FHL5: variants seen among roughly 807,000 people sequenced by gnomAD.
FHL5 encodes four and a half LIM domains protein 5.
In FHL5, 33 loss-of-function variants were observed where a neutral mutation model predicts 32.0. That is an observed-to-expected ratio of 1.03 (90% confidence interval 0.78 to 1.38). The LOEUF is 1.38. Ranked by LOEUF, FHL5 falls within the 40% of genes most tolerant of loss-of-function variation. FHL5 has a pLI of 0.00. For missense variants in FHL5, 336 were observed against 343.9 expected (o/e 0.98, Z 0.18); for synonymous variants, 114 against 113.6 (o/e 1.00, Z -0.02).
intron 1 of FHL5, among the ~76,000 whole-genome samples, chr6:96,582,529 T>C (rs1770716126): frequency 6.6e-6 from 1 of 152,304 alleles, no homozygotes; most frequent in South Asian, 2.1e-4. Context: ...GAAAACCATA[T>C]GAAGCACTTT....
intron 1 of FHL5, among the ~76,000 whole-genome samples, chr6:96,594,254 T>C (rs1770986587): frequency 7.3e-6 from 1 of 136,210 alleles, no homozygotes; most frequent in Non-Finnish European, 1.6e-5. Context: ...TATATATATA[T>C]ATATATATAT....
chr6:96,568,896 C>CA (rs964992259), intron 1 of FHL5, among the ~76,000 whole-genome samples: 1 of 151,616 alleles, frequency 6.6e-6, no homozygotes, highest in Non-Finnish European at 1.5e-5. Flanking sequence ...TTTATCTTTT[C>CA]AAAAAAATTC....
intron 4 of FHL5, 124 bp from the exon 5 acceptor site, chr6:96,610,448 T>C (rs1413910842): frequency 5.6e-6 from 4 of 716,694 alleles, no homozygotes; most frequent in Non-Finnish European, 9.7e-6. Flanking sequence ...AGACATGAAA[T>C]GATCTTTTTT....
At chr6:96,571,205 G>A (rs1770469163) in intron 1 of FHL5, among the ~76,000 whole-genome samples, 1 of 152,108 alleles carries the variant, frequency 6.6e-6, no homozygotes, top group Non-Finnish European at 1.5e-5. Flanking sequence ...AAGGTGTAGT[G>A]ACTCTGTTTC....
Position 96,603,781 on chromosome 6 carries a change from C to T in FHL5, c.159+9C>T, listed in dbSNP as rs1186459219. 1 of 1,600,610 alleles carries T rather than the reference C, an allele frequency of 6.2e-7. No individual in the cohort carries two copies. The highest frequency in any genetic ancestry group is 1.7e-5 in the Admixed American group (1 of 58,596). ...TTGAATCTGATTCTAAGGTAAGTCT[C>T]ACCTCAATTTACAGAATTACTGCCT... On this transcript the variant is annotated intron_variant, in intron 2 of 5. Transcript: ENST00000450218.
chr6:96,582,551 G>A (rs541975513), intron 1 of FHL5, among the ~76,000 whole-genome samples: 8 of 150,130 alleles, frequency 5.3e-5, no homozygotes, highest in African/African-American at 9.8e-5. Flanking sequence ...TTTTTTCTTC[G>A]TTAGTGTCCA....
chr6:96,576,462 G>C (rs1055238456), intron 1 of FHL5, among the ~76,000 whole-genome samples: 3 of 152,216 alleles, frequency 2.0e-5, no homozygotes, highest in African/African-American at 7.2e-5. Flanking sequence ...AAGAGTGACG[G>C]AGTGAAGAGA....
intron 1 of FHL5, among the ~76,000 whole-genome samples, chr6:96,579,070 T>C (rs1343185626): frequency 6.6e-6 from 1 of 152,162 alleles, no homozygotes; most frequent in African/African-American, 2.4e-5. Flanking sequence ...AATTCTATGA[T>C]AAAGAACGGG....
At chr6:96,573,855 T>A (rs1368477733) in intron 1 of FHL5, among the ~76,000 whole-genome samples, 2 of 152,102 alleles carry the variant, frequency 1.3e-5, no homozygotes, top group East Asian at 3.9e-4. Context: ...TAATTGTTTT[T>A]TAAATTAAAC....
chr6:96,575,656 G>T lies in FHL5; in HGVS notation c.-13+12301G>T, dbSNP rs2127960777. Among the ~76,000 whole-genome samples, 2 of 152,264 alleles carry T rather than the reference G, an allele frequency of 1.3e-5. 1 individual carries two copies. Among genetic ancestry groups the T allele is most frequent in the Admixed American group, 1.3e-4 (2 of 15,302 alleles). On this transcript the variant is annotated intron_variant, in intron 1 of 5. Transcript: ENST00000450218. ...AGTCACTCCTCAAGTGGCATAGAAT[G>T]AGTGAATACTTTCAAAAGAGAGAAA...
In FHL5 at chr6:96,605,883, C is replaced by A; in HGVS notation, c.335-19C>A. 6.2e-7 allele frequency: 1 copy of A among 1,608,878 alleles called. No homozygotes were observed. Among genetic ancestry groups the A allele is most frequent in the Non-Finnish European group, 8.5e-7 (1 of 1,176,706 alleles). On this transcript the variant is annotated intron_variant, in intron 3 of 5. Transcript: ENST00000450218. ...TTATGCTTGACTTATACTAACATGG[C>A]CTTACTTTTGGAGTACAGGTTCCCG...
chr6:96,572,855 A>G (rs532337329), intron 1 of FHL5, among the ~76,000 whole-genome samples: 1 of 152,232 alleles, frequency 6.6e-6, no homozygotes, highest in East Asian at 1.9e-4. Flanking sequence ...AAGGCCTGGC[A>G]TTTCCTTATT....
chr6:96,591,846 G>T (rs1044649532), intron 1 of FHL5, among the ~76,000 whole-genome samples: 6 of 152,058 alleles, frequency 3.9e-5, no homozygotes, highest in Non-Finnish European at 7.4e-5. Flanking sequence ...CTGGGCATCT[G>T]GGGGACACAT....
chr6:96,582,913 C>A (rs1770723742), intron 1 of FHL5, among the ~76,000 whole-genome samples: 1 of 152,048 alleles, frequency 6.6e-6, no homozygotes, highest in South Asian at 2.1e-4. Context: ...TTCCATCAAG[C>A]CAAGTACACC....
chr6:96,578,667 C>A (rs1011312647), intron 1 of FHL5, among the ~76,000 whole-genome samples: 36 of 151,974 alleles, frequency 2.4e-4, no homozygotes, highest in Non-Finnish European at 1.5e-5. Context: ...CGTGTCGAAA[C>A]CCCATCTCTA....
At chr6:96,592,798 G>A (rs74695600) in intron 1 of FHL5, among the ~76,000 whole-genome samples, 6,570 of 152,136 alleles carry the variant, frequency 0.043, 207 homozygotes, top group South Asian at 0.1. Context: ...CTGACTTCCC[G>A]CAACATTTTA....
intron 1 of FHL5, among the ~76,000 whole-genome samples, chr6:96,589,512 T>C (rs1364752247): frequency 1.3e-5 from 2 of 152,108 alleles, no homozygotes; most frequent in Non-Finnish European, 2.9e-5. Context: ...TGTTCAAGTC[T>C]TTTGTACTTT....
intron 1 of FHL5, among the ~76,000 whole-genome samples, chr6:96,593,065 C>T (rs1410843132): frequency 6.6e-6 from 1 of 151,966 alleles, no homozygotes; most frequent in East Asian, 1.9e-4. Flanking sequence ...TATCATCATG[C>T]TTAATTTTAT....
Position 96,563,347 on chromosome 6 carries a change from T to C in FHL5, c.-21T>C, listed in dbSNP as rs1770287518. ...TTTAAATCACAGGAAGAAGCGGCTT[T>C]AAGACAAAGTGAGTTCTTTCCCCCA... is the stretch of plus-strand genomic sequence containing the variant. On this transcript the variant is annotated 5_prime_UTR_variant, in exon 1 of 6. Transcript: ENST00000450218. 6.6e-6 allele frequency: 1 copy of C among 152,230 alleles called. No individual in the cohort carries two copies. The highest frequency in any genetic ancestry group is 1.5e-5 in the Non-Finnish European group (1 of 68,042). The allele number at this position is 152,230 out of a possible 1,614,324, so 9.4% of individuals were successfully genotyped here. A position where few individuals can be genotyped will look rare whatever the true frequency, so the allele number is the denominator to read the frequency against.
Sources: allele counts gnomAD v4.1 joint callset (sites outside exome capture counted in the v4.1 genomes callset), GRCh38; gene constraint gnomAD v4.1.1; transcripts MANE v1.5; gene names NCBI Gene and HGNC (gene_info 2026-07-23, HGNC 2026-07-21).